MTA3: variants seen among roughly 807,000 people sequenced by gnomAD.
MTA3 encodes the protein metastasis associated 1 family member 3, also known as metastasis-associated protein MTA3.
A neutral mutation model predicts 83.5 loss-of-function variants in MTA3; 34 were observed. The ratio of observed to expected loss-of-function variants is 0.41; its 90% CI spans 0.31 to 0.54. The LOEUF (loss-of-function observed/expected upper bound fraction) is 0.54. MTA3 is among the 20% of genes least tolerant of loss of function. The pLI, the probability that MTA3 is intolerant of heterozygous loss-of-function variation, is 0.33. For synonymous variants in MTA3, 303 were observed against 252.7 expected (o/e 1.20, Z -1.89); for missense variants, 761 against 726.4 (o/e 1.05, Z -0.55).
At chr2:42,560,205 A>C (rs1391559314) in intron 2 of MTA3, among the ~76,000 whole-genome samples, 1 of 152,028 alleles carries the variant, frequency 6.6e-6, no homozygotes, top group African/African-American at 2.4e-5. Flanking sequence ...TATTTTTAGT[A>C]GAGATGGGGT....
In MTA3 at chr2:42,705,977, G is replaced by T. The variant is rs566634652; in HGVS notation, c.1150+1659G>T. Reference sequence around the variant, plus strand: ...GAATTTGAGTTATTTAAGGAGAAAGGCATTTATTGACAATTATTAAAATGA... The same window carrying T: ...GAATTTGAGTTATTTAAGGAGAAAGTCATTTATTGACAATTATTAAAATGA... On this transcript the variant is annotated intron_variant, in intron 12 of 16. Transcript: ENST00000405094. Among the ~76,000 whole-genome samples the T allele has an allele frequency of 1.4e-3, 206 of 152,098 alleles. 1 individual carries two copies. The highest frequency in any genetic ancestry group is 1.9e-3 in the South Asian group (9 of 4,810).
chr2:42,549,599 T>C (rs1171493229), intron 2 of MTA3, among the ~76,000 whole-genome samples: 2 of 119,802 alleles, frequency 1.7e-5, no homozygotes, highest in African/African-American at 6.9e-5. Flanking sequence ...TATATACATA[T>C]ACATATATAA....
intron 4 of MTA3, among the ~76,000 whole-genome samples, chr2:42,626,282 T>C (rs1409846222): frequency 6.7e-6 from 1 of 148,878 alleles, no homozygotes; most frequent in African/African-American, 2.5e-5. Context: ...GTAGTAAGGC[T>C]GAACAGGAGC....
intron 4 of MTA3, among the ~76,000 whole-genome samples, chr2:42,609,839 C>A (rs1683966180): frequency 6.6e-6 from 1 of 152,196 alleles, no homozygotes; most frequent in African/African-American, 2.4e-5. Context: ...TGGCTCACGC[C>A]TGTAATTCCA....
intron 3 of MTA3, among the ~76,000 whole-genome samples, chr2:42,593,876 G>T (rs1681341319): frequency 6.6e-6 from 1 of 151,724 alleles, no homozygotes; most frequent in Non-Finnish European, 1.5e-5. Context: ...AATTGCTTCA[G>T]ATATTCTTCC....
intron 9 of MTA3, among the ~76,000 whole-genome samples, chr2:42,689,535 C>CTG (rs1442827013): frequency 2.0e-5 from 3 of 152,120 alleles, no homozygotes. Context: ...GGTTTTAAAA[C>CTG]TGTGAAGTCA....
chr2:42,572,986 C>A (rs1313050511), intron 2 of MTA3, among the ~76,000 whole-genome samples: 1 of 152,136 alleles, frequency 6.6e-6, no homozygotes, highest in African/African-American at 2.4e-5. Flanking sequence ...CCCCAGCCTC[C>A]CAAAGTGCTG....
At chr2:42,563,017 A>T (rs1340872752) in intron 2 of MTA3, among the ~76,000 whole-genome samples, 2 of 151,978 alleles carry the variant, frequency 1.3e-5, no homozygotes, top group East Asian at 3.9e-4. Flanking sequence ...GAGTCACCAG[A>T]TCGGATCTTG....
At chr2:42,529,032 C>A (rs1307617178) in intron 2 of MTA3, among the ~76,000 whole-genome samples, 1 of 152,182 alleles carries the variant, frequency 6.6e-6, no homozygotes, top group Non-Finnish European at 1.5e-5. Context: ...CGTTAAGTTA[C>A]AGTTTACCAT....
chr2:42,755,444 G>A lies in MTA3; in HGVS notation c.*2045G>A. On this transcript the variant is annotated 3_prime_UTR_variant, in exon 17 of 17. Coordinates refer to ENST00000405094, the MANE Select transcript of MTA3 (RefSeq NM_001330442.2). ...AAGGGAGGCCCCTCCTATCTACCCA[G>A]TTGACATTTGGCTTTGGGAAAAGCG... 1.0e-6 allele frequency: 1 copy of A among 985,480 alleles called. No homozygotes were observed. Among genetic ancestry groups the A allele is most frequent in the South Asian group, 4.7e-5 (1 of 21,288 alleles). The allele number at this position is 985,480 out of a possible 1,614,324, so 61.0% of individuals were successfully genotyped here.
intron 2 of MTA3, among the ~76,000 whole-genome samples, chr2:42,504,819 A>G (rs1674555186): frequency 6.6e-6 from 1 of 152,130 alleles, no homozygotes. Context: ...TATTCAAGCA[A>G]AAGAAACACT....
At chr2:42,729,342 C>G (rs534620597) in intron 16 of MTA3, among the ~76,000 whole-genome samples, 24 of 151,968 alleles carry the variant, frequency 1.6e-4, no homozygotes, top group Non-Finnish European at 2.4e-4. Context: ...ACCTTGTGAT[C>G]CACCTGCCTC....
chr2:42,682,779 C>T (rs1479585333), intron 9 of MTA3, 190 bp downstream of exon 9: 4 of 583,968 alleles, frequency 6.8e-6, no homozygotes, highest in African/African-American at 3.7e-5. Flanking sequence ...TGTAGTAAGA[C>T]CCACGCTATC....
intron 2 of MTA3, among the ~76,000 whole-genome samples, chr2:42,577,879 T>C (rs1679229442): frequency 6.6e-6 from 1 of 152,244 alleles, no homozygotes; most frequent in South Asian, 2.1e-4. Flanking sequence ...TAAGAGCTTA[T>C]ATTTGAAGTC....
chr2:42,517,446 G>A (rs1675195247), intron 2 of MTA3, among the ~76,000 whole-genome samples: 1 of 151,236 alleles, frequency 6.6e-6, no homozygotes, highest in Non-Finnish European at 1.5e-5. Context: ...GGTGGCACAT[G>A]CCTGTAATCC....
intron 4 of MTA3, among the ~76,000 whole-genome samples, chr2:42,620,106 A>G (rs1483005010): frequency 6.6e-6 from 1 of 151,776 alleles, no homozygotes; most frequent in Non-Finnish European, 1.5e-5. Flanking sequence ...TATTGTTTCA[A>G]GACATCACAC....
At chr2:42,733,577 C>G (rs763202261) in intron 16 of MTA3, among the ~76,000 whole-genome samples, 1 of 152,198 alleles carries the variant, frequency 6.6e-6, no homozygotes, top group East Asian at 1.9e-4. Context: ...TCATTTGTTT[C>G]AATACATTTT....
At chr2:42,524,834 A>G (rs1315010876) in intron 2 of MTA3, among the ~76,000 whole-genome samples, 2 of 146,884 alleles carry the variant, frequency 1.4e-5, no homozygotes, top group Admixed American at 6.9e-5. Context: ...ATCCAAAAAA[A>G]AAAAAAGAAA....
At chr2:42,590,495 G>A (rs2103932961) in intron 3 of MTA3, among the ~76,000 whole-genome samples, 1 of 151,968 alleles carries the variant, frequency 6.6e-6, no homozygotes, top group South Asian at 2.1e-4. Context: ...AAACTTTACA[G>A]CCATTAGAAT....
Sources: gnomAD v4.1 joint callset for allele counts (sites outside exome capture counted in the v4.1 genomes callset) on GRCh38, gnomAD v4.1.1 for gene constraint, MANE v1.5 for transcripts, NCBI Gene and HGNC (gene_info 2026-07-23, HGNC 2026-07-21) for gene names.